Variants in ELOVL5 observed in about 807,000 individuals in gnomAD.
ELOVL5 encodes very long chain fatty acid elongase 5.
ELOVL5 carries 8 observed loss-of-function variants against 38.6 expected under a neutral mutation model. The observed-to-expected ratio is 0.21, with a 90% CI of 0.12 to 0.37. ELOVL5 has a LOEUF of 0.37. Ranked by LOEUF, ELOVL5 falls within the 10% of genes least tolerant of loss-of-function variation. The pLI, the probability that ELOVL5 is intolerant of heterozygous loss-of-function variation, is 1.00. For missense variants in ELOVL5, 280 were observed against 367.8 expected, an observed-to-expected ratio of 0.76 and a Z score of 1.95; for synonymous variants, 127 against 133.7, an observed-to-expected ratio of 0.95 and a Z score of 0.34.
intron 1 of ELOVL5, among the ~76,000 whole-genome samples, chr6:53,309,620 G>C (rs1451149331): frequency 6.6e-6 from 1 of 152,162 alleles, no homozygotes; most frequent in Non-Finnish European, 1.5e-5. Flanking sequence ...TTGTGTGTGT[G>C]ACCAACAGAA....
At chr6:53,329,598 T>C (rs527689873) in intron 1 of ELOVL5, among the ~76,000 whole-genome samples, 1 of 152,106 alleles carries the variant, frequency 6.6e-6, no homozygotes, top group African/African-American at 2.4e-5. Flanking sequence ...CTGAGGCGGG[T>C]GGATCACCTG....
In ELOVL5 at chr6:53,267,660, C is replaced by T. The variant is rs1363137920; in HGVS notation, c.*1467G>A. On this transcript the variant is annotated 3_prime_UTR_variant, in exon 8 of 8. Transcript: ENST00000304434. ...AAAACCCACAAGACTAATAGAGAACCAATAGGCTCCCTATAGTACGAATGT... is the reference window on the plus strand; with the variant it reads ...AAAACCCACAAGACTAATAGAGAACTAATAGGCTCCCTATAGTACGAATGT... 6.6e-6 allele frequency: 1 copy of T among 152,520 alleles called. No homozygotes were observed. Among genetic ancestry groups the T allele is most frequent in the Admixed American group, 6.5e-5 (1 of 15,272 alleles). The allele number at this position is 152,520 out of a possible 1,614,324, so 9.4% of individuals were successfully genotyped here.
At chr6:53,294,118 C>G (rs1345798431) in intron 2 of ELOVL5, 1 of 1,400,698 alleles carries the variant, frequency 7.1e-7, no homozygotes, top group African/African-American at 1.4e-5. Flanking sequence ...TTACACTTTG[C>G]TTTATTCATT....
chr6:53,312,193 T>C (rs1181769157), intron 1 of ELOVL5, among the ~76,000 whole-genome samples: 1 of 152,218 alleles, frequency 6.6e-6, no homozygotes, highest in Non-Finnish European at 1.5e-5. Context: ...AATGAAGCTA[T>C]TGGGCATTTA....
chr6:53,332,761 T>C (rs538096479), intron 1 of ELOVL5, among the ~76,000 whole-genome samples: 2 of 152,352 alleles, frequency 1.3e-5, no homozygotes, highest in Non-Finnish European at 2.9e-5. Context: ...TCAGTCAGTT[T>C]TCATCAGGTA....
In ELOVL5 at chr6:53,336,682, G is replaced by A. The variant is rs931291325; in HGVS notation, c.-9+12135C>T. Among the ~76,000 whole-genome samples the A allele has an allele frequency of 2.0e-5, 3 of 152,114 alleles. No homozygotes were observed. In the South Asian group the frequency reaches 6.2e-4, roughly 32 times the overall value. On this transcript the variant is annotated intron_variant, in intron 1 of 7. Coordinates refer to ENST00000304434, the MANE Select transcript of ELOVL5 (RefSeq NM_021814.5). ...CCAGTTTCCATGATCATTTTATTAT[G>A]GAGTATTTGAGTGCCTAGACATCAA...
chr6:53,303,873 T>C (rs1401613120), intron 1 of ELOVL5, among the ~76,000 whole-genome samples: 2 of 152,204 alleles, frequency 1.3e-5, no homozygotes, highest in Non-Finnish European at 2.9e-5. Flanking sequence ...GTCACACCAG[T>C]GGCTGTTATC....
chr6:53,314,148 G>C (rs1197772381), intron 1 of ELOVL5, among the ~76,000 whole-genome samples: 1 of 152,232 alleles, frequency 6.6e-6, no homozygotes, highest in African/African-American at 2.4e-5. Context: ...GTCCTAAGGT[G>C]ATTACATTTT....
Position 53,275,163 on chromosome 6 carries a change from G to C in ELOVL5, c.423C>G (p.Val141=), listed in dbSNP as rs199518493. 4.8e-5 allele frequency: 77 copies of C among 1,614,054 alleles called. No homozygotes were observed. The highest frequency in any genetic ancestry group is 6.5e-5 in the Non-Finnish European group (77 of 1,180,034). ...ILRKNNHQIT[V]LHVYHHASML... ...TCGAGGCATGGTGGTAGACGTGCAG[G>C]ACCGTGATCTGGTGGTTGTTCTTGC... The change falls in exon 5 of 8, where the codon GTC becomes GTG. Residue 141 remains valine, a synonymous_variant. Transcript: ENST00000304434.
chr6:53,336,043 A>G (rs562024403), intron 1 of ELOVL5, among the ~76,000 whole-genome samples: 68 of 152,288 alleles, frequency 4.5e-4, no homozygotes, highest in Middle Eastern at 3.4e-3. Flanking sequence ...TATTCAAACC[A>G]CTATTATTTT....
intron 3 of ELOVL5, among the ~76,000 whole-genome samples, chr6:53,287,496 T>C (rs934154093): frequency 3.9e-5 from 6 of 151,912 alleles, no homozygotes; most frequent in African/African-American, 1.5e-4. Context: ...ATCATGAGAG[T>C]ACTTTGAAAG....
intron 1 of ELOVL5, among the ~76,000 whole-genome samples, chr6:53,299,885 T>C (rs552759532): frequency 6.6e-6 from 1 of 152,362 alleles, no homozygotes; most frequent in African/African-American, 2.4e-5. Context: ...GCAGAACTTT[T>C]CACAATCAAA....
chr6:53,345,765 C>A (rs1423698662), intron 1 of ELOVL5, among the ~76,000 whole-genome samples: 1 of 141,610 alleles, frequency 7.1e-6, no homozygotes, highest in Non-Finnish European at 1.6e-5. Flanking sequence ...TACATAATGG[C>A]ACAGAGCCCA....
At chr6:53,292,594 C>G (rs1766816136) in intron 2 of ELOVL5, among the ~76,000 whole-genome samples, 1 of 152,214 alleles carries the variant, frequency 6.6e-6, no homozygotes, top group Non-Finnish European at 1.5e-5. Flanking sequence ...AGTTCAAGAC[C>G]AGCCTGGCCA....
chr6:53,290,914 C>T (rs1302719311), intron 3 of ELOVL5, among the ~76,000 whole-genome samples: 1 of 152,054 alleles, frequency 6.6e-6, no homozygotes, highest in African/African-American at 2.4e-5. Context: ...AAATGAAACC[C>T]TGAAAACCTA....
chr6:53,308,552 A>G (rs1351620597), intron 1 of ELOVL5, among the ~76,000 whole-genome samples: 2 of 152,212 alleles, frequency 1.3e-5, no homozygotes, highest in South Asian at 2.1e-4. Flanking sequence ...ATCACCTAAC[A>G]GCTTTAAAAT....
chr6:53,281,724 G>A (rs80164346), intron 3 of ELOVL5, among the ~76,000 whole-genome samples: 1,715 of 152,178 alleles, frequency 0.011, 27 homozygotes, highest in African/African-American at 0.04. Context: ...ATTAGGGAGT[G>A]CCAGGTCAAA....
intron 3 of ELOVL5, among the ~76,000 whole-genome samples, chr6:53,284,809 T>C (rs1024483336): frequency 6.6e-6 from 1 of 152,136 alleles, no homozygotes; most frequent in African/African-American, 2.4e-5. Context: ...TTCACTATTA[T>C]TATATCTGTT....
intron 3 of ELOVL5, among the ~76,000 whole-genome samples, chr6:53,287,329 C>T (rs921406724): frequency 6.6e-5 from 10 of 152,024 alleles, no homozygotes; most frequent in Admixed American, 6.5e-5. Context: ...AATGTGGTTC[C>T]GACATTTGCT....
Sources: allele counts gnomAD v4.1 joint callset (sites outside exome capture counted in the v4.1 genomes callset), GRCh38; gene constraint gnomAD v4.1.1; transcripts MANE v1.5; gene names NCBI Gene and HGNC (gene_info 2026-07-23, HGNC 2026-07-21).